Variants in ZMAT4 observed in about 807,000 individuals in gnomAD.
ZMAT4 encodes zinc finger matrin-type 4, also known as zinc finger matrin-type protein 4.
Under a neutral mutation model 28.7 loss-of-function variants are expected in ZMAT4, and 17 were observed. The ratio of observed to expected loss-of-function variants is 0.59; its 90% CI spans 0.41 to 0.89. The LOEUF (loss-of-function observed/expected upper bound fraction) is 0.89. Ranked by LOEUF, ZMAT4 falls within the 40% of genes least tolerant of loss-of-function variation. The pLI, the probability that ZMAT4 is intolerant of heterozygous loss-of-function variation, is 0.00. For missense variants in ZMAT4, 240 were observed against 283.8 expected (o/e 0.85, Z 1.11); for synonymous variants, 117 against 109.2 (o/e 1.07, Z -0.44).
intron 3 of ZMAT4, among the ~76,000 whole-genome samples, chr8:40,742,461 G>A (rs60297253): frequency 0.12 from 18,679 of 151,504 alleles, 1,643 homozygotes; most frequent in East Asian, 0.38. Context: ...ATATCCCACT[G>A]TTAACAGTGA....
chr8:40,762,074 C>T (rs1307263723), intron 3 of ZMAT4, among the ~76,000 whole-genome samples: 9 of 152,278 alleles, frequency 5.9e-5, no homozygotes, highest in African/African-American at 1.9e-4. Context: ...GAACTGACCA[C>T]GAAGTCAACA....
At chr8:40,599,702 G>A (rs1190704683) in intron 5 of ZMAT4, among the ~76,000 whole-genome samples, 2 of 152,242 alleles carry the variant, frequency 1.3e-5, no homozygotes, top group Non-Finnish European at 2.9e-5. Context: ...CTTCCCCACG[G>A]CTATGCCTAA....
At chr8:40,601,450 AAGGAAGGG>A (rs1200138971) in intron 5 of ZMAT4, among the ~76,000 whole-genome samples, 4 of 87,738 alleles carry the variant, frequency 4.6e-5, no homozygotes, top group African/African-American at 1.2e-4. Context: ...GGAAGGAAGG[AAGGAAGGG>A]AGGAAGAAAG....
chr8:40,549,692 T>C (rs933278684), intron 6 of ZMAT4, among the ~76,000 whole-genome samples: 2 of 152,154 alleles, frequency 1.3e-5, no homozygotes, highest in Non-Finnish European at 2.9e-5. Flanking sequence ...CCAACTCATC[T>C]CCCTGCTTCT....
chr8:40,611,432 C>T (rs1805791962), intron 5 of ZMAT4, among the ~76,000 whole-genome samples: 1 of 152,098 alleles, frequency 6.6e-6, no homozygotes, highest in South Asian at 2.1e-4. Flanking sequence ...GCTCCGCCTC[C>T]CAGGTTCACA....
intron 1 of ZMAT4, among the ~76,000 whole-genome samples, chr8:40,829,125 T>C (rs1816183944): frequency 1.3e-5 from 2 of 152,200 alleles, no homozygotes; most frequent in South Asian, 2.1e-4. Context: ...AACATTCGTA[T>C]TGTGCTGTGC....
chr8:40,676,128 T>A (rs1490132360), intron 4 of ZMAT4, among the ~76,000 whole-genome samples: 1 of 152,166 alleles, frequency 6.6e-6, no homozygotes, highest in Non-Finnish European at 1.5e-5. Context: ...GATGAGAGAT[T>A]GATTTCAGAA....
intron 5 of ZMAT4, among the ~76,000 whole-genome samples, chr8:40,661,999 CAG>C (rs1465279959): frequency 2.6e-5 from 4 of 152,106 alleles, no homozygotes; most frequent in African/African-American, 9.7e-5. Context: ...TGTTTTGAGA[CAG>C]AGTCTCACTC....
At chr8:40,640,662 TA>T (rs973026734) in intron 5 of ZMAT4, among the ~76,000 whole-genome samples, 34 of 150,694 alleles carry the variant, frequency 2.3e-4, no homozygotes, top group African/African-American at 7.8e-4. Flanking sequence ...TCCCTTTACT[TA>T]AAAAAAAAGT....
chr8:40,846,554 C>T (rs1014790481), intron 1 of ZMAT4, among the ~76,000 whole-genome samples: 1 of 152,206 alleles, frequency 6.6e-6, no homozygotes, highest in Non-Finnish European at 1.5e-5. Context: ...TTTTTCATTT[C>T]CTTTGATAAA....
chr8:40,614,886 C>T (rs1410084308), intron 5 of ZMAT4, among the ~76,000 whole-genome samples: 1 of 152,142 alleles, frequency 6.6e-6, no homozygotes, highest in Non-Finnish European at 1.5e-5. Context: ...TCCAATTTGC[C>T]AGTCTGTGTC....
At chr8:40,650,878 C>A (rs930554502) in intron 5 of ZMAT4, among the ~76,000 whole-genome samples, 11 of 152,076 alleles carry the variant, frequency 7.2e-5, no homozygotes, top group Admixed American at 2.0e-4. Context: ...ATTCAACAAC[C>A]CTTCAGGCTG....
At chr8:40,613,047 G>C (rs978831450) in intron 5 of ZMAT4, among the ~76,000 whole-genome samples, 4 of 151,300 alleles carry the variant, frequency 2.6e-5, no homozygotes, top group African/African-American at 7.3e-5. Flanking sequence ...TCCTGACCTC[G>C]TGATCCGCCC....
chr8:40,742,084 C>CA (rs761846118), intron 3 of ZMAT4, among the ~76,000 whole-genome samples: 28 of 8,502 alleles, frequency 3.3e-3, no homozygotes, highest in South Asian at 9.4e-3. Context: ...ACTAAAAATA[C>CA]AAAAAAAAAC....
At chr8:40,582,981 G>T (rs888296178) in intron 5 of ZMAT4, among the ~76,000 whole-genome samples, 3 of 152,148 alleles carry the variant, frequency 2.0e-5, no homozygotes, top group African/African-American at 7.2e-5. Flanking sequence ...AGGGGAAGTG[G>T]TCACGAACCC....
chr8:40,742,675 T>A (rs1812056836), intron 3 of ZMAT4, among the ~76,000 whole-genome samples: 1 of 152,068 alleles, frequency 6.6e-6, no homozygotes, highest in Non-Finnish European at 1.5e-5. Flanking sequence ...TTGAAGAATC[T>A]ATTTCAGTGG....
At chr8:40,843,385 G>A (rs1816767249) in intron 1 of ZMAT4, among the ~76,000 whole-genome samples, 1 of 152,132 alleles carries the variant, frequency 6.6e-6, no homozygotes, top group Admixed American at 6.5e-5. Context: ...AGGAGCTCAT[G>A]GGGCCCTGTG....
Position 40,531,189 on chromosome 8 carries a change from C to T in ZMAT4, c.*1034G>A, listed in dbSNP as rs13277268. 1 of 152,138 alleles carries T rather than the reference C, an allele frequency of 6.6e-6. No homozygotes were observed. The highest frequency in any genetic ancestry group is 1.5e-5 in the Non-Finnish European group (1 of 68,042). The allele number at this position is 152,138 out of a possible 1,614,324, so 9.4% of individuals were successfully genotyped here. On this transcript the variant is annotated 3_prime_UTR_variant, in exon 7 of 7. Transcript: ENST00000297737. The stretch of plus-strand genomic sequence containing the variant: ...CCTCATGATCTGCACTCAGACGCTC[C>T]CCATCAGAAAGGAACTGTTTTCTTT...
At chr8:40,703,910 G>A (rs1050966236) in intron 3 of ZMAT4, among the ~76,000 whole-genome samples, 1 of 152,176 alleles carries the variant, frequency 6.6e-6, no homozygotes, top group South Asian at 2.1e-4. Context: ...GAATCATAAT[G>A]AGGAGTATTT....
Sources: gnomAD v4.1 joint callset for allele counts (sites outside exome capture counted in the v4.1 genomes callset) on GRCh38, gnomAD v4.1.1 for gene constraint, MANE v1.5 for transcripts, NCBI Gene and HGNC (gene_info 2026-07-23, HGNC 2026-07-21) for gene names.